The following ACOXL variants were observed in gnomAD, a reference collection of about 807,000 sequenced individuals.
ACOXL encodes the protein acyl-CoA oxidase like, also known as acyl-coenzyme A oxidase-like protein.
Under a neutral mutation model 71.9 loss-of-function variants are expected in ACOXL, and 70 were observed. That is an observed-to-expected ratio of 0.97 (90% confidence interval 0.80 to 1.19). The LOEUF is 1.19. Ranked by LOEUF, ACOXL falls within the 50% of genes most tolerant of loss-of-function variation. The pLI is 0.00. For missense variants in ACOXL, 703 were observed against 736.3 expected, an observed-to-expected ratio of 0.95 and a Z score of 0.52; for synonymous variants, 253 against 281.6, an observed-to-expected ratio of 0.90 and a Z score of 1.02.
rs146328070 is a variant in ACOXL at position 110,838,346 on chromosome 2, CTG to C, written c.754-3014_754-3013del. 1.1e-3 allele frequency among the ~76,000 whole-genome samples: 173 copies of C among 151,946 alleles called. 2 individuals carry two copies. The highest frequency in any genetic ancestry group is 3.6e-3 in the African/African-American group (148 of 41,434). On this transcript the variant is annotated intron_variant, in intron 9 of 17. Transcript: ENST00000439055. The stretch of plus-strand genomic sequence containing the variant: ...TATGTGTGTGTGCAGTGTACATGTG[CTG>C]TGTGTGTGTGCGTGTGTGTGCGCAC...
intron 16 of ACOXL, among the ~76,000 whole-genome samples, chr2:111,086,808 T>A (rs2068232752): frequency 6.6e-6 from 1 of 152,050 alleles, no homozygotes; most frequent in Non-Finnish European, 1.5e-5. Flanking sequence ...GCCAGAGCAA[T>A]GAGGCAAGAT....
chr2:111,025,519 G>T (rs905599854), intron 14 of ACOXL, among the ~76,000 whole-genome samples: 1 of 152,196 alleles, frequency 6.6e-6, no homozygotes, highest in Non-Finnish European at 1.5e-5. Flanking sequence ...AGCCATTTTA[G>T]TGGGTGCGTA....
chr2:110,945,137 G>T (rs2061046745), intron 12 of ACOXL, among the ~76,000 whole-genome samples: 1 of 152,154 alleles, frequency 6.6e-6, no homozygotes, highest in African/African-American at 2.4e-5. Flanking sequence ...CTAGCTGCAT[G>T]TATGTCTTCT....
At chr2:110,906,260 A>C (rs1417392285) in intron 10 of ACOXL, among the ~76,000 whole-genome samples, 1 of 152,172 alleles carries the variant, frequency 6.6e-6, no homozygotes, top group Admixed American at 6.5e-5. Context: ...ACTATTGGCC[A>C]GGCGTGGTGG....
At chr2:110,963,588 T>A in intron 12 of ACOXL, 1 of 1,602,486 alleles carries the variant, frequency 6.2e-7, no homozygotes, top group Non-Finnish European at 8.5e-7. Flanking sequence ...TGTGTGTGTG[T>A]GTGTGTGTGT....
At position 110,770,172 on chromosome 2, in the gene ACOXL, C is replaced by G. The variant is rs545055306; in HGVS notation, c.75+1708C>G. 1.1e-4 allele frequency among the ~76,000 whole-genome samples: 17 copies of G among 152,316 alleles called. No individual in the cohort carries two copies. The South Asian group carries it at 3.1e-3, about 28-fold the overall frequency. On this transcript the variant is annotated intron_variant, in intron 2 of 17. Transcript: ENST00000439055. Reference sequence around the variant, plus strand: ...GGAGCCGACCCTATCCTGCAGCAGCCCAGCCCTTTCCCCACCCAGCATGGT... The same window carrying G: ...GGAGCCGACCCTATCCTGCAGCAGCGCAGCCCTTTCCCCACCCAGCATGGT...
chr2:110,909,799 T>C (rs1012525778), intron 11 of ACOXL, among the ~76,000 whole-genome samples: 1 of 150,598 alleles, frequency 6.6e-6, no homozygotes, highest in Non-Finnish European at 1.5e-5. Context: ...ATTGGATGGG[T>C]GCACCTGTGT....
At chr2:110,948,703 T>TAAAAAAA (rs5833377) in intron 12 of ACOXL, among the ~76,000 whole-genome samples, 1 of 70,808 alleles carries the variant, frequency 1.4e-5, no homozygotes, top group African/African-American at 7.0e-5. Context: ...CCAGAAGAAC[T>TAAAAAAA]AAAAAAAAAA....
intron 1 of ACOXL, among the ~76,000 whole-genome samples, chr2:110,750,395 C>A (rs1415085281): frequency 6.6e-6 from 1 of 151,948 alleles, no homozygotes. Flanking sequence ...GTTTCGGGCT[C>A]ATCTTATATT....
chr2:111,063,648 CA>C (rs57886448), intron 16 of ACOXL, among the ~76,000 whole-genome samples: 8,671 of 152,164 alleles, frequency 0.057, 420 homozygotes, highest in African/African-American at 0.13. Flanking sequence ...AGAGTATCTA[CA>C]AAATTCCTAT....
At chr2:110,795,981 G>A (rs1039847228) in intron 5 of ACOXL, 5 of 151,664 alleles carry the variant, frequency 3.3e-5, no homozygotes, top group Non-Finnish European at 4.4e-5. Context: ...TCATAATGAC[G>A]AGGGGCCTCT....
chr2:111,117,888 T>G lies in ACOXL; in HGVS notation c.*72T>G, dbSNP rs1439591800. The stretch of plus-strand genomic sequence containing the variant: ...CTCGCTCCACCGACGCCCAGAGCTG[T>G]GGCCGAGGCCGGGGGCTGGCACCCG... On this transcript the variant is annotated 3_prime_UTR_variant, in exon 18 of 18. Coordinates refer to ENST00000439055, the MANE Select transcript of ACOXL (RefSeq NM_001142807.4). The G allele has an allele frequency of 4.1e-6, 6 of 1,470,712 alleles. No homozygotes were observed. In the African/African-American group the frequency reaches 8.4e-5, roughly 21 times the overall value. The allele number at this position is 1,470,712 out of a possible 1,614,324, so 91.1% of individuals were successfully genotyped here. A position where few individuals can be genotyped will look rare whatever the true frequency, so the allele number is the denominator to read the frequency against.
At chr2:110,746,291 A>G (rs934248912) in intron 1 of ACOXL, among the ~76,000 whole-genome samples, 12 of 152,052 alleles carry the variant, frequency 7.9e-5, no homozygotes, top group African/African-American at 2.9e-4. Flanking sequence ...CTTATTGTGA[A>G]TGCTGCAGAA....
At chr2:110,970,211 A>G (rs2062121408) in intron 12 of ACOXL, among the ~76,000 whole-genome samples, 1 of 152,236 alleles carries the variant, frequency 6.6e-6, no homozygotes, top group African/African-American at 2.4e-5. Context: ...TACTAGTATC[A>G]CTCATGAATG....
chr2:111,057,089 CACTCA>C (rs1446645079), intron 16 of ACOXL, among the ~76,000 whole-genome samples: 7 of 152,266 alleles, frequency 4.6e-5, no homozygotes, highest in African/African-American at 1.7e-4. Flanking sequence ...CTCAGTTGGG[CACTCA>C]ACTCAACCTG....
chr2:110,768,584 C>A, intron 2 of ACOXL, 120 bp downstream of exon 2: 3 of 884,516 alleles, frequency 3.4e-6, no homozygotes, highest in South Asian at 1.7e-5. Context: ...GGTATATGTG[C>A]AGGTTTGTTA....
At chr2:111,083,469 T>C (rs1385906991) in intron 16 of ACOXL, among the ~76,000 whole-genome samples, 1 of 152,146 alleles carries the variant, frequency 6.6e-6, no homozygotes, top group African/African-American at 2.4e-5. Flanking sequence ...GTGGAGTCTA[T>C]AGACAGCATT....
At chr2:110,759,354 G>T (rs1680089855) in intron 1 of ACOXL, among the ~76,000 whole-genome samples, 1 of 152,274 alleles carries the variant, frequency 6.6e-6, no homozygotes, top group East Asian at 1.9e-4. Flanking sequence ...ATGAATCTGG[G>T]TGCTCCTGTA....
chr2:110,771,686 A>G (rs1457319236), intron 2 of ACOXL, among the ~76,000 whole-genome samples: 3 of 152,388 alleles, frequency 2.0e-5, no homozygotes, highest in African/African-American at 7.2e-5. Context: ...ACACACACAC[A>G]GACACACACA....
Sources: allele counts gnomAD v4.1 joint callset (sites outside exome capture counted in the v4.1 genomes callset), GRCh38; gene constraint gnomAD v4.1.1; transcripts MANE v1.5; gene names NCBI Gene and HGNC (gene_info 2026-07-23, HGNC 2026-07-21).